Variants in GABRB2 observed in about 807,000 individuals in gnomAD.
The protein encoded by GABRB2 is gamma-aminobutyric acid receptor subunit beta-2.
In GABRB2, 16 loss-of-function variants were observed where a neutral mutation model predicts 54.7. That is an observed-to-expected ratio of 0.29 (90% CI 0.20 to 0.44). The LOEUF (loss-of-function observed/expected upper bound fraction) is 0.44. Among genes scored for constraint, GABRB2 ranks in the 20% least tolerant of loss-of-function variants. The pLI is 1.00. For synonymous variants in GABRB2, 244 were observed against 233.8 expected (o/e 1.04, Z -0.40); for missense variants, 355 against 644.0 (o/e 0.55, Z 4.86).
At chr5:161,435,260 C>G (rs1757276610) in intron 4 of GABRB2, among the ~76,000 whole-genome samples, 2 of 151,994 alleles carry the variant, frequency 1.3e-5, no homozygotes, top group South Asian at 4.1e-4. Flanking sequence ...TTAAATATTA[C>G]AAAGCAGATT....
rs374144943 is a variant in GABRB2 at position 161,409,068 on chromosome 5, G to A, written c.541+1907C>T. Among the ~76,000 whole-genome samples, 131 of 152,124 alleles carry A rather than the reference G, an allele frequency of 8.6e-4. 1 individual carries two copies. The South Asian group carries it at 0.025, about 29-fold the overall frequency. ...TTGTTAACAGTCTAAATATGAATAA[G>A]CCCCAATTTTCCATAAGGCCAGGCT... On this transcript the variant is annotated intron_variant, in intron 5 of 9. Coordinates refer to ENST00000393959, the MANE Select transcript of GABRB2 (RefSeq NM_001371727.1).
chr5:161,362,937 A>T (rs188018507), intron 5 of GABRB2, among the ~76,000 whole-genome samples: 2 of 152,292 alleles, frequency 1.3e-5, no homozygotes, highest in East Asian at 3.9e-4. Context: ...ATGGGAGTGT[A>T]AATTAGTTCA....
At chr5:161,345,836 C>T (rs1417187398) in intron 5 of GABRB2, among the ~76,000 whole-genome samples, 1 of 152,096 alleles carries the variant, frequency 6.6e-6, no homozygotes, top group Non-Finnish European at 1.5e-5. Context: ...TCCGGTCCTT[C>T]TCTATAGCTC....
chr5:161,428,308 T>TGTGTGTGC (rs1394793776), intron 4 of GABRB2, among the ~76,000 whole-genome samples: 2 of 152,006 alleles, frequency 1.3e-5, no homozygotes, highest in African/African-American at 4.8e-5. Context: ...TGTGTGTGTG[T>TGTGTGTGC]GTGTGTGTGT....
intron 4 of GABRB2, among the ~76,000 whole-genome samples, chr5:161,442,953 G>A (rs1757509254): frequency 6.6e-6 from 1 of 152,084 alleles, no homozygotes; most frequent in East Asian, 1.9e-4. Context: ...GAAGCACAGA[G>A]ATGTCATGGC....
chr5:161,309,990 G>GA (rs1278556365), intron 9 of GABRB2, among the ~76,000 whole-genome samples: 1 of 152,106 alleles, frequency 6.6e-6, no homozygotes, highest in Non-Finnish European at 1.5e-5. Context: ...CTATAAAAAA[G>GA]AAAAACGTTA....
rs111863027 is a variant in GABRB2 at position 161,515,900 on chromosome 5, C to T, written c.237+29327G>A. On this transcript the variant is annotated intron_variant, in intron 3 of 9. Coordinates refer to ENST00000393959, the MANE Select transcript of GABRB2 (RefSeq NM_001371727.1). ...AACAAGCAGCATGCAGTATTAGAAA[C>T]GTATGTGAAGAAGTCAGAGGCACTA... is the stretch of plus-strand genomic sequence containing the variant. Among the ~76,000 whole-genome samples the T allele has an allele frequency of 6.9e-3, 1,043 of 152,194 alleles. 13 individuals carry two copies. The highest frequency in any genetic ancestry group is 0.023 in the African/African-American group (970 of 41,524).
intron 5 of GABRB2, among the ~76,000 whole-genome samples, chr5:161,405,343 TA>T (rs1756319085): frequency 6.6e-6 from 1 of 152,056 alleles, no homozygotes; most frequent in Non-Finnish European, 1.5e-5. Flanking sequence ...AGTAATTTGA[TA>T]ATGATAATGA....
intron 3 of GABRB2, among the ~76,000 whole-genome samples, chr5:161,526,383 C>T (rs1424816034): frequency 6.6e-6 from 1 of 151,360 alleles, no homozygotes; most frequent in Non-Finnish European, 1.5e-5. Flanking sequence ...AGTTATCACT[C>T]TAAAACAGGT....
chr5:161,335,028 C>G, intron 6 of GABRB2, 124 bp from the exon 7 acceptor site: 1 of 950,570 alleles, frequency 1.1e-6, no homozygotes, highest in Non-Finnish European at 1.5e-6. Flanking sequence ...AGGACACTTT[C>G]TTCTGCAAAA....
In GABRB2 at chr5:161,459,716, G is replaced by A; in HGVS notation, c.366C>T (p.Phe122=). ...ADQLWVPDTY[F]LNDKKSFVHG... ...GCACAAATGACTTCTTATCGTTCAG[G>A]AAATAGGTATCAGGCACCCAGAGCT... Residue 122 remains phenylalanine, a synonymous_variant, in exon 4 of 10, where the codon TTC becomes TTT. Coordinates refer to ENST00000393959, the MANE Select transcript of GABRB2 (RefSeq NM_001371727.1). The A allele has an allele frequency of 1.9e-6, 3 of 1,614,096 alleles. No individual in the cohort carries two copies. The highest frequency in any genetic ancestry group is 2.5e-6 in the Non-Finnish European group (3 of 1,180,012).
chr5:161,347,109 G>A (rs1353682334), intron 5 of GABRB2, among the ~76,000 whole-genome samples: 2 of 152,108 alleles, frequency 1.3e-5, no homozygotes, highest in African/African-American at 4.8e-5. Context: ...TAGAGCATGA[G>A]CTTTTTAAAT....
At chr5:161,511,092 G>A (rs920005468) in intron 3 of GABRB2, among the ~76,000 whole-genome samples, 1 of 151,910 alleles carries the variant, frequency 6.6e-6, no homozygotes, top group Non-Finnish European at 1.5e-5. Flanking sequence ...AATTGAGAAA[G>A]TGGCAACATC....
chr5:161,341,862 G>A (rs1176709917), intron 5 of GABRB2, among the ~76,000 whole-genome samples: 1 of 147,684 alleles, frequency 6.8e-6, no homozygotes, highest in East Asian at 2.0e-4. Flanking sequence ...CTGAACCTGT[G>A]CCAAGATATT....
chr5:161,543,552 A>T (rs963765260), intron 3 of GABRB2, among the ~76,000 whole-genome samples: 1 of 152,208 alleles, frequency 6.6e-6, no homozygotes, highest in Non-Finnish European at 1.5e-5. Context: ...AGCATAAAAA[A>T]AGCAAAATGC....
chr5:161,340,249 C>T (rs1754118679), intron 5 of GABRB2, among the ~76,000 whole-genome samples: 1 of 152,012 alleles, frequency 6.6e-6, no homozygotes, highest in African/African-American at 2.4e-5. Flanking sequence ...GAACTGCAAA[C>T]TTTTGGCAAA....
At chr5:161,486,232 C>T (rs1178518793) in intron 3 of GABRB2, among the ~76,000 whole-genome samples, 1 of 151,894 alleles carries the variant, frequency 6.6e-6, no homozygotes, top group Non-Finnish European at 1.5e-5. Flanking sequence ...AAGGGTCTTC[C>T]TCTTCAGCTA....
chr5:161,379,589 C>T (rs191383674), intron 5 of GABRB2, among the ~76,000 whole-genome samples: 3 of 152,242 alleles, frequency 2.0e-5, no homozygotes, highest in East Asian at 1.9e-4. Flanking sequence ...GTTGATTCGC[C>T]TCTTCAGGTG....
intron 4 of GABRB2, chr5:161,459,310 A>C (rs1175842899): frequency 1.5e-5 from 5 of 332,982 alleles, no homozygotes; most frequent in Admixed American, 8.7e-5. Context: ...TGGCATTCAC[A>C]ATGTTTTTGT....
Sources: gnomAD v4.1 joint callset for allele counts (sites outside exome capture counted in the v4.1 genomes callset) on GRCh38, gnomAD v4.1.1 for gene constraint, MANE v1.5 for transcripts, NCBI Gene and HGNC (gene_info 2026-07-23, HGNC 2026-07-21) for gene names.